DHRSX: variants seen among roughly 807,000 people sequenced by gnomAD.
DHRSX encodes dehydrogenase/reductase X-linked.
Under a neutral mutation model 34.0 loss-of-function variants are expected in DHRSX, and 31 were observed. That is an observed-to-expected ratio of 0.91 (90% confidence interval 0.69 to 1.23). DHRSX has a LOEUF of 1.23. DHRSX is among the 50% of genes most tolerant of loss of function. The pLI is 0.00. For synonymous variants in DHRSX, 201 were observed against 183.8 expected (o/e 1.09, Z -0.76); for missense variants, 414 against 428.1 (o/e 0.97, Z 0.29).
intron 1 of DHRSX, among the ~76,000 whole-genome samples, chrX:2,464,739 G>A (rs181389061): frequency 0.017 from 2,548 of 147,134 alleles, 69 homozygotes; most frequent in African/African-American, 0.06. Flanking sequence ...CCAAGGGACC[G>A]CCACCTTATA....
At chrX:2,386,377 C>T (rs1210353900) in intron 3 of DHRSX, among the ~76,000 whole-genome samples, 1 of 152,066 alleles carries the variant, frequency 6.6e-6, no homozygotes, top group African/African-American at 2.4e-5. Flanking sequence ...TGCCACCACA[C>T]CCAGCTAATT....
chrX:2,381,693 C>A (rs1000264606), intron 3 of DHRSX, among the ~76,000 whole-genome samples: 1 of 150,990 alleles, frequency 6.6e-6, no homozygotes, highest in African/African-American at 2.4e-5. Flanking sequence ...CCTATTTCCC[C>A]TGAGGGCACG....
At chrX:2,470,510 C>A (rs2044573378) in intron 1 of DHRSX, among the ~76,000 whole-genome samples, 1 of 151,838 alleles carries the variant, frequency 6.6e-6, no homozygotes, top group South Asian at 2.1e-4. Flanking sequence ...GAATTCAAGA[C>A]CAGCCTGAGC....
chrX:2,339,223 C>A (rs2042609949), intron 3 of DHRSX, among the ~76,000 whole-genome samples: 1 of 151,846 alleles, frequency 6.6e-6, no homozygotes, highest in African/African-American at 2.4e-5. Context: ...GCAACCTCCA[C>A]CTCCCACGCT....
intron 3 of DHRSX, among the ~76,000 whole-genome samples, chrX:2,387,920 A>AAT (rs2043291377): frequency 6.6e-6 from 1 of 151,080 alleles, no homozygotes; most frequent in Non-Finnish European, 1.5e-5. Flanking sequence ...AAAAAAAAAA[A>AAT]AAAACGGGAT....
chrX:2,330,684 G>A (rs925977505), intron 3 of DHRSX, among the ~76,000 whole-genome samples: 1 of 130,976 alleles, frequency 7.6e-6, no homozygotes, highest in Non-Finnish European at 1.6e-5. Context: ...AGGAGGAGGA[G>A]AAGTAGGAGG....
intron 3 of DHRSX, among the ~76,000 whole-genome samples, chrX:2,387,372 A>T (rs2043284186): frequency 1.3e-5 from 2 of 152,160 alleles, no homozygotes; most frequent in Admixed American, 1.3e-4. Flanking sequence ...AGGGGCATTT[A>T]TTCGGTATTA....
intron 3 of DHRSX, among the ~76,000 whole-genome samples, chrX:2,371,548 T>TTACCATA (rs1569494769): frequency 0.044 from 2,369 of 54,128 alleles, 36 homozygotes; most frequent in Middle Eastern, 0.14. Context: ...TCCGTCCTTC[T>TTACCATA]GTTACCATAG....
chrX:2,486,947 G>A (rs2044953196), intron 1 of DHRSX: 1 of 152,236 alleles, frequency 6.6e-6, no homozygotes, highest in South Asian at 2.1e-4. Context: ...AGTTCTTGGG[G>A]TCTCGGCAGA....
chrX:2,254,158 G>T (rs765866252), intron 5 of DHRSX, among the ~76,000 whole-genome samples: 1 of 152,144 alleles, frequency 6.6e-6, no homozygotes, highest in Non-Finnish European at 1.5e-5. Flanking sequence ...GCCAGTCTCC[G>T]TAGGCGGTGT....
intron 1 of DHRSX, among the ~76,000 whole-genome samples, chrX:2,475,872 G>A (rs1481038879): frequency 2.0e-5 from 3 of 152,168 alleles, no homozygotes; most frequent in African/African-American, 7.2e-5. Context: ...CCAGCTAGGA[G>A]AGCCACGGAA....
At chrX:2,239,638 G>A (rs868786726) in intron 6 of DHRSX, among the ~76,000 whole-genome samples, 7 of 151,922 alleles carry the variant, frequency 4.6e-5, no homozygotes, top group South Asian at 2.1e-4. Context: ...ACGTGGTGGC[G>A]GGCACCTGTG....
At position 2,425,317 on chromosome X, in the gene DHRSX, A is replaced by G. The variant is rs762445590; in HGVS notation, c.110-13T>C. On this transcript the variant is annotated splice_polypyrimidine_tract_variant and intron_variant, in intron 1 of 6. Transcript: ENST00000334651. ...CGTGGGGGGAAAACTGAAAAAGAAG[A>G]AGAGAAAATCATCAAACTAAGATTT... 1 of 1,602,644 alleles carries G rather than the reference A, an allele frequency of 6.2e-7. No homozygotes were observed. The highest frequency in any genetic ancestry group is 1.7e-5 in the Admixed American group (1 of 59,392).
intron 1 of DHRSX, among the ~76,000 whole-genome samples, chrX:2,497,971 A>G (rs1343961466): frequency 6.6e-6 from 1 of 152,210 alleles, no homozygotes; most frequent in African/African-American, 2.4e-5. Flanking sequence ...GCATGGATAT[A>G]GTCTTAAGAA....
At chrX:2,282,778 G>T (rs1056367778) in intron 4 of DHRSX, among the ~76,000 whole-genome samples, 2 of 45,922 alleles carry the variant, frequency 4.4e-5, no homozygotes, top group African/African-American at 8.1e-5. Flanking sequence ...GCGAGGGAGG[G>T]AGGGGGAGAG....
chrX:2,393,713 A>C (rs371186096), intron 3 of DHRSX, among the ~76,000 whole-genome samples: 766 of 84,462 alleles, frequency 9.1e-3, no homozygotes, highest in Non-Finnish European at 0.015. Context: ...CACACGACAC[A>C]CAGGGACCTC....
intron 2 of DHRSX, among the ~76,000 whole-genome samples, chrX:2,417,905 T>C (rs1224115593): frequency 6.6e-6 from 1 of 152,142 alleles, no homozygotes; most frequent in Non-Finnish European, 1.5e-5. Context: ...GACTTCATCA[T>C]GACCTAACCA....
chrX:2,351,183 C>T (rs2042784865), intron 3 of DHRSX, among the ~76,000 whole-genome samples: 1 of 152,172 alleles, frequency 6.6e-6, no homozygotes, highest in South Asian at 2.1e-4. Context: ...ACCACCATGG[C>T]ACACGCACAC....
At chrX:2,246,958 T>C (rs1377814973) in intron 5 of DHRSX, among the ~76,000 whole-genome samples, 2 of 152,166 alleles carry the variant, frequency 1.3e-5, no homozygotes, top group African/African-American at 2.4e-5. Flanking sequence ...GTTTTTGTTG[T>C]TGTTGTTTGA....
Sources: allele counts gnomAD v4.1 joint callset (sites outside exome capture counted in the v4.1 genomes callset), GRCh38; gene constraint gnomAD v4.1.1; transcripts MANE v1.5; gene names NCBI Gene and HGNC (gene_info 2026-07-23, HGNC 2026-07-21).